The following DENND1B variants were observed in gnomAD, a reference collection of about 807,000 sequenced individuals.
DENND1B encodes DENN domain containing 1B.
A neutral mutation model predicts 90.1 loss-of-function variants in DENND1B; 59 were observed. That is an observed-to-expected ratio of 0.65 (90% CI 0.53 to 0.81). DENND1B has a LOEUF of 0.81. Ranked by LOEUF, DENND1B falls within the 40% of genes least tolerant of loss-of-function variation. The probability of loss-of-function intolerance (pLI) is 0.00; values close to 1 mark genes in which losing one functional copy is unlikely to be tolerated. For missense variants in DENND1B, 862 were observed against 912.6 expected, an observed-to-expected ratio of 0.94 and a Z score of 0.71; for synonymous variants, 337 against 324.6, an observed-to-expected ratio of 1.04 and a Z score of -0.41.
In DENND1B at chr1:197,506,561, C is replaced by T. The variant is rs576698709; in HGVS notation, c.*3899G>A. The T allele has an allele frequency of 6.6e-6, 1 of 151,304 alleles. No homozygotes were observed. The highest frequency in any genetic ancestry group is 2.4e-5 in the African/African-American group (1 of 41,334). 9.4% of individuals were successfully genotyped at this position (151,304 alleles called of 1,614,324 possible). A position where few individuals can be genotyped will look rare whatever the true frequency, so the allele number is the denominator to read the frequency against. On this transcript the variant is annotated 3_prime_UTR_variant, in exon 23 of 23. Transcript: ENST00000620048. ...AAATAATCAGTCTTTTCCTGAAAAT[C>T]CACATTTTCTACAAGAGAATGAAGG...
chr1:197,592,052 C>T (rs2160969), intron 14 of DENND1B, among the ~76,000 whole-genome samples: 115,691 of 145,540 alleles, frequency 0.79, 46,028 homozygotes, highest in East Asian at 0.87. Context: ...GAGCTTGCAG[C>T]GAGCTGAGAT....
intron 2 of DENND1B, among the ~76,000 whole-genome samples, chr1:197,724,690 C>G (rs1245080636): frequency 2.0e-5 from 3 of 152,026 alleles, no homozygotes; most frequent in African/African-American, 7.2e-5. Context: ...ACACAGGCTT[C>G]AGATATTAAA....
At position 197,506,776 on chromosome 1, in the gene DENND1B, T is replaced by C. The variant is rs1247232551; in HGVS notation, c.*3684A>G. 6.6e-6 allele frequency: 1 copy of C among 151,396 alleles called. No individual in the cohort carries two copies. The highest frequency in any genetic ancestry group is 2.4e-5 in the African/African-American group (1 of 41,356). The allele number at this position is 151,396 out of a possible 1,614,324, so 9.4% of individuals were successfully genotyped here. On this transcript the variant is annotated 3_prime_UTR_variant, in exon 23 of 23. Coordinates refer to ENST00000620048, the MANE Select transcript of DENND1B (RefSeq NM_001195215.2). ...AGACTGTTTCTACAGAACGCTGTTATTCATATAAAAATAGTAAAAATTGGA... is the reference window on the plus strand; with the variant it reads ...AGACTGTTTCTACAGAACGCTGTTACTCATATAAAAATAGTAAAAATTGGA...
rs150430795 is a variant in DENND1B, at chr1:197,707,563, T to A, written c.126+7468A>T. Among the ~76,000 whole-genome samples, 781 of 148,086 alleles carry A rather than the reference T, an allele frequency of 5.3e-3. 8 individuals are homozygous for A. The highest frequency in any genetic ancestry group is 0.018 in the African/African-American group (728 of 40,552). On this transcript the variant is annotated intron_variant, in intron 3 of 22. Transcript: ENST00000620048. ...TCTATATCATTATCACCCATATATA[T>A]GTGTAATTATATGCATATATTTATA...
chr1:197,762,522 C>T (rs1051737586), intron 2 of DENND1B, among the ~76,000 whole-genome samples: 2 of 152,190 alleles, frequency 1.3e-5, no homozygotes, highest in Non-Finnish European at 2.9e-5. Flanking sequence ...CCAATTAACG[C>T]ATCTATCATC....
chr1:197,701,737 G>A lies in DENND1B; in HGVS notation c.126+13294C>T, dbSNP rs116028291. 5.9e-3 allele frequency among the ~76,000 whole-genome samples: 895 copies of A among 152,142 alleles called. 10 individuals are homozygous for A. Among genetic ancestry groups the A allele is most frequent in the African/African-American group, 0.02 (827 of 41,496 alleles). On this transcript the variant is annotated intron_variant, in intron 3 of 22. Coordinates refer to ENST00000620048, the MANE Select transcript of DENND1B (RefSeq NM_001195215.2). ...ACAAGCACCTTTCAAAGTACTCTAC[G>A]AGTAATTTTAAATTCTTAAGACAAC...
intron 6 of DENND1B, among the ~76,000 whole-genome samples, chr1:197,657,307 A>G (rs923071750): frequency 6.6e-6 from 1 of 152,192 alleles, no homozygotes; most frequent in African/African-American, 2.4e-5. Context: ...TTTGCTATTG[A>G]GACACAGATA....
chr1:197,676,611 T>G (rs1229842593), intron 3 of DENND1B, among the ~76,000 whole-genome samples: 1 of 152,148 alleles, frequency 6.6e-6, no homozygotes, highest in Non-Finnish European at 1.5e-5. Context: ...AAATATTTTA[T>G]TTTTATGCCA....
intron 16 of DENND1B, among the ~76,000 whole-genome samples, chr1:197,550,964 CAGT>C (rs1242183941): frequency 2.6e-5 from 4 of 151,856 alleles, no homozygotes; most frequent in Admixed American, 2.6e-4. Context: ...AAAGTTAGAT[CAGT>C]TTACTTCTTT....
Position 197,723,253 on chromosome 1 carries a change from T to C in DENND1B, c.83-8179A>G, listed in dbSNP as rs147672574. On this transcript the variant is annotated intron_variant, in intron 2 of 22. Transcript: ENST00000620048. The stretch of plus-strand genomic sequence containing the variant: ...TATTATAATAAAATGAAAACCCTCA[T>C]CAATCTCCTGATAGAGTAATTCCAA... Among the ~76,000 whole-genome samples, 28 of 152,262 alleles carry C rather than the reference T, an allele frequency of 1.8e-4. No individual in the cohort carries two copies. The East Asian group carries it at 5.4e-3, about 29-fold the overall frequency.
chr1:197,623,954 T>C (rs1413570309), intron 10 of DENND1B, among the ~76,000 whole-genome samples: 2 of 151,576 alleles, frequency 1.3e-5, no homozygotes, highest in East Asian at 3.9e-4. Context: ...GGAGAGATAT[T>C]CCATGTTCAT....
intron 2 of DENND1B, among the ~76,000 whole-genome samples, chr1:197,725,766 A>C (rs904608691): frequency 1.3e-5 from 2 of 151,982 alleles, no homozygotes; most frequent in Admixed American, 1.3e-4. Context: ...GAGTGATAAA[A>C]AGGAACCTGC....
intron 3 of DENND1B, among the ~76,000 whole-genome samples, chr1:197,713,744 A>T (rs1157483245): frequency 3.2e-5 from 3 of 92,348 alleles, no homozygotes; most frequent in East Asian, 5.8e-4. Flanking sequence ...TAAAAAAAAA[A>T]AATTAAAAAA....
At chr1:197,717,001 G>A (rs1660709838) in intron 2 of DENND1B, among the ~76,000 whole-genome samples, 1 of 151,766 alleles carries the variant, frequency 6.6e-6, no homozygotes, top group Non-Finnish European at 1.5e-5. Context: ...CATGAAAACT[G>A]CATCTATTGG....
chr1:197,670,321 A>G (rs1655358543), intron 5 of DENND1B, among the ~76,000 whole-genome samples: 1 of 151,080 alleles, frequency 6.6e-6, no homozygotes, highest in South Asian at 2.1e-4. Context: ...TAAATTATAA[A>G]TATCAGGAGG....
chr1:197,629,755 A>T (rs1679156257), intron 10 of DENND1B, among the ~76,000 whole-genome samples: 1 of 152,042 alleles, frequency 6.6e-6, no homozygotes, highest in Admixed American at 6.6e-5. Context: ...AAGAAAATTT[A>T]AAAAGCAGCC....
intron 10 of DENND1B, among the ~76,000 whole-genome samples, chr1:197,634,627 T>TA (rs201837574): frequency 2.3e-4 from 35 of 152,048 alleles, no homozygotes; most frequent in Admixed American, 1.3e-4. Context: ...CATAGACTTT[T>TA]AAAAAAAATT....
At chr1:197,753,447 T>C (rs1019460268) in intron 2 of DENND1B, among the ~76,000 whole-genome samples, 3 of 152,068 alleles carry the variant, frequency 2.0e-5, no homozygotes, top group African/African-American at 7.3e-5. Context: ...GCAATAAAAC[T>C]ATTTCTGTTT....
intron 20 of DENND1B, among the ~76,000 whole-genome samples, chr1:197,525,353 T>C (rs1669066952): frequency 1.3e-5 from 2 of 152,144 alleles, no homozygotes; most frequent in Non-Finnish European, 2.9e-5. Flanking sequence ...ATACAAGTTT[T>C]ATAAGACTAT....
Sources: gnomAD v4.1 joint callset for allele counts (sites outside exome capture counted in the v4.1 genomes callset) on GRCh38, gnomAD v4.1.1 for gene constraint, MANE v1.5 for transcripts, NCBI Gene and HGNC (gene_info 2026-07-23, HGNC 2026-07-21) for gene names.